OOEP: variants seen among roughly 807,000 people sequenced by gnomAD.
OOEP encodes the protein oocyte-expressed protein homolog.
In OOEP, 16 loss-of-function variants were observed where a neutral mutation model predicts 13.7. The ratio of observed to expected loss-of-function variants is 1.16; its 90% CI spans 0.79 to 1.77. OOEP has a LOEUF of 1.77. Ranked by LOEUF, OOEP falls within the 40% of genes most tolerant of loss-of-function variation. The pLI, the probability that OOEP is intolerant of heterozygous loss-of-function variation, is 0.00. For synonymous variants in OOEP, 89 were observed against 77.1 expected (o/e 1.15, Z -0.81); for missense variants, 195 against 193.1 (o/e 1.01, Z -0.06).
At chr6:73,369,433 G>C (rs770761987) in intron 1 of OOEP, 48 bp from the exon 2 acceptor site, 1 of 1,573,890 alleles carries the variant, frequency 6.4e-7, no homozygotes, top group Non-Finnish European at 8.6e-7. Flanking sequence ...TGGCAGGTTA[G>C]AAGCTGGATT....
Position 73,369,872 on chromosome 6 carries a change from C to G in OOEP, c.-80G>C. 7.3e-7 allele frequency: 1 copy of G among 1,363,682 alleles called. No homozygotes were observed. The allele number at this position is 1,363,682 out of a possible 1,614,324, so 84.5% of individuals were successfully genotyped here. A position where few individuals can be genotyped will look rare whatever the true frequency, so the allele number is the denominator to read the frequency against. ...CAGACCCAGGCGCGAAGCTCGGGCT[C>G]TCTTTTACCATATTCGACCCGCTCC... On this transcript the variant is annotated 5_prime_UTR_variant, in exon 1 of 3. Transcript: ENST00000370359.
rs949684317 is a variant in OOEP, at chr6:73,369,870, C to T, written c.-78G>A. ...TCCAGACCCAGGCGCGAAGCTCGGG[C>T]TCTCTTTTACCATATTCGACCCGCT... is the stretch of plus-strand genomic sequence containing the variant. On this transcript the variant is annotated 5_prime_UTR_variant, in exon 1 of 3. Coordinates refer to ENST00000370359, the MANE Select transcript of OOEP (RefSeq NM_001080507.3). The T allele has an allele frequency of 4.8e-5, 66 of 1,372,154 alleles. 1 individual carries two copies. The South Asian group carries it at 8.2e-4, about 17-fold the overall frequency. 85.0% of individuals were successfully genotyped at this position (1,372,154 alleles called of 1,614,324 possible).
At chr6:73,378,577 T>C (rs1769162064) in intron 2 of OOEP, among the ~76,000 whole-genome samples, 1 of 151,870 alleles carries the variant, frequency 6.6e-6, no homozygotes, top group African/African-American at 2.4e-5. Context: ...ATATGTTGAG[T>C]ACCAGCAGGG....
chr6:73,394,769 G>A, exon 1 of OOEP: 1 of 1,279,930 alleles, frequency 7.8e-7, no homozygotes. Context: ...TAGAGAGCGT[G>A]GGCGGGGGGG....
At chr6:73,389,537 G>A (rs147821439) in intron 2 of OOEP, among the ~76,000 whole-genome samples, 85 of 152,050 alleles carry the variant, frequency 5.6e-4, no homozygotes, top group African/African-American at 2.1e-3. Flanking sequence ...GCTTTTTATC[G>A]CAAAAGGCTT....
intron 2 of OOEP, chr6:73,394,296 G>A: frequency 1.4e-6 from 1 of 713,984 alleles, no homozygotes; most frequent in Non-Finnish European, 2.6e-6. Flanking sequence ...TCAATCTGTT[G>A]TTTCAAGTTT....
chr6:73,385,778 G>T, intron 2 of OOEP, among the ~76,000 whole-genome samples: 1 of 151,986 alleles, frequency 6.6e-6, no homozygotes. Flanking sequence ...TGGTAGAGAC[G>T]GGTTTCACCA....
chr6:73,390,909 A>C (rs1362283504), intron 2 of OOEP: 6 of 151,472 alleles, frequency 4.0e-5, no homozygotes, highest in African/African-American at 1.4e-4. Context: ...AAAGTATAAT[A>C]ATAATAATAA....
intron 2 of OOEP, among the ~76,000 whole-genome samples, chr6:73,377,084 T>C (rs1402740205): frequency 6.6e-6 from 1 of 152,228 alleles, no homozygotes; most frequent in African/African-American, 2.4e-5. Flanking sequence ...TTTCTTTCAT[T>C]GTGCCATTGC....
At chr6:73,373,400 C>CT, upstream of OOEP, 1 of 858,382 alleles carries the variant, frequency 1.2e-6, no homozygotes, top group Non-Finnish European at 1.9e-6. Context: ...TCTCAGCTCA[C>CT]TGGGTAGCTG....
At chr6:73,386,979 A>G (rs1245995701) in intron 2 of OOEP, among the ~76,000 whole-genome samples, 3 of 108,198 alleles carry the variant, frequency 2.8e-5, no homozygotes, top group African/African-American at 1.1e-4. Flanking sequence ...CCATCTCAGA[A>G]AAAAAAAAAA....
chr6:73,388,180 C>A lies in OOEP; in HGVS notation c.25+6166G>T, dbSNP rs550538206. On this transcript the variant is annotated intron_variant, in intron 2 of 3. Coordinates refer to the OOEP transcript ENST00000370363. Reference sequence around the variant, plus strand: ...GCGTGAGACACCGCACTGGGCCTGACAACAATGGAATTAAAATTTCTTTTC... The same window carrying A: ...GCGTGAGACACCGCACTGGGCCTGAAAACAATGGAATTAAAATTTCTTTTC... Among the ~76,000 whole-genome samples, 6 of 152,160 alleles carry A rather than the reference C, an allele frequency of 3.9e-5. No individual in the cohort carries two copies. In the South Asian group the frequency reaches 1.2e-3, roughly 32 times the overall value.
intron 2 of OOEP, among the ~76,000 whole-genome samples, chr6:73,394,184 AT>A (rs1016466984): frequency 1.1e-3 from 158 of 148,660 alleles, no homozygotes; most frequent in East Asian, 8.4e-3. Context: ...TCTCTATTAA[AT>A]TTTTTTTTTT....
chr6:73,384,739 C>CTT (rs772710975), intron 2 of OOEP, among the ~76,000 whole-genome samples: 6 of 139,130 alleles, frequency 4.3e-5, no homozygotes, highest in Admixed American at 2.2e-4. Context: ...ACAAACAAAC[C>CTT]TTTTTTTTTT....
intron 2 of OOEP, chr6:73,387,544 A>T (rs1016243097): frequency 3.9e-5 from 6 of 152,020 alleles, no homozygotes; most frequent in African/African-American, 1.4e-4. Context: ...ATAAAAATAA[A>T]ATCAGTGCTG....
intron 2 of OOEP, among the ~76,000 whole-genome samples, chr6:73,385,519 C>T (rs939833692): frequency 4.6e-5 from 7 of 151,686 alleles, no homozygotes; most frequent in African/African-American, 1.7e-4. Context: ...TCAAGAGATG[C>T]AGCAAATGCA....
chr6:73,372,382 A>C (rs1033915546), upstream of OOEP, among the ~76,000 whole-genome samples: 1 of 152,036 alleles, frequency 6.6e-6, no homozygotes, highest in Non-Finnish European at 1.5e-5. Flanking sequence ...CTCAGATACA[A>C]CTCAGTCTCA....
chr6:73,368,989 G>T, intron 2 of OOEP, 126 bp from the exon 3 acceptor site: 1 of 841,716 alleles, frequency 1.2e-6, no homozygotes, highest in Non-Finnish European at 2.0e-6. Flanking sequence ...AGGTGAGGCT[G>T]ACTTGGGCAG....
chr6:73,383,356 C>T (rs1027767789), intron 2 of OOEP, among the ~76,000 whole-genome samples: 1 of 152,104 alleles, frequency 6.6e-6, no homozygotes, highest in Non-Finnish European at 1.5e-5. Context: ...ATGCAGGGGC[C>T]GGGCACAGTG....
Sources: allele counts gnomAD v4.1 joint callset (sites outside exome capture counted in the v4.1 genomes callset), GRCh38; gene constraint gnomAD v4.1.1; transcripts MANE v1.5; gene names NCBI Gene and HGNC (gene_info 2026-07-23, HGNC 2026-07-21).